The following MYO1E variants were observed in gnomAD, a reference collection of about 807,000 sequenced individuals.
The protein encoded by MYO1E is myosin IE, also known as unconventional myosin-Ie.
MYO1E carries 68 observed loss-of-function variants against 151.1 expected under a neutral mutation model. The ratio of observed to expected loss-of-function variants is 0.45; its 90% CI spans 0.37 to 0.55. The LOEUF is 0.55. MYO1E is among the 20% of genes least tolerant of loss of function. The probability of loss-of-function intolerance (pLI) is 0.00; values close to 1 mark genes in which losing one functional copy is unlikely to be tolerated. For synonymous variants in MYO1E, 601 were observed against 501.7 expected (o/e 1.20, Z -2.64); for missense variants, 1,363 against 1,389.3 (o/e 0.98, Z 0.30).
intron 1 of MYO1E, among the ~76,000 whole-genome samples, chr15:59,320,517 C>G (rs963274290): frequency 6.6e-6 from 1 of 151,896 alleles, no homozygotes; most frequent in Admixed American, 6.6e-5. Context: ...AACAGAGAAC[C>G]CAGAAATAAA....
At chr15:59,352,468 T>A (rs1299730908) in intron 1 of MYO1E, among the ~76,000 whole-genome samples, 1 of 152,176 alleles carries the variant, frequency 6.6e-6, no homozygotes, top group Non-Finnish European at 1.5e-5. Flanking sequence ...GCCCACGCTA[T>A]TAGTCCGTGG....
At position 59,206,875 on chromosome 15, in the gene MYO1E, G is replaced by A. The variant is rs1451068407; in HGVS notation, c.1531-1390C>T. On this transcript the variant is annotated intron_variant, in intron 14 of 27. Transcript: ENST00000288235. Reference sequence around the variant, plus strand: ...TGAAGGTCCTGCCAACGGCTCTCTTGGCGTCTCAACGTTCGGATCAGCAGC... The same window carrying A: ...TGAAGGTCCTGCCAACGGCTCTCTTAGCGTCTCAACGTTCGGATCAGCAGC... 8.6e-6 allele frequency: 13 copies of A among 1,505,322 alleles called. No homozygotes were observed. In the African/African-American group the frequency reaches 1.8e-4, roughly 21 times the overall value. The allele number at this position is 1,505,322 out of a possible 1,614,324, so 93.2% of individuals were successfully genotyped here. A position where few individuals can be genotyped will look rare whatever the true frequency, so the allele number is the denominator to read the frequency against.
Position 59,188,114 on chromosome 15 carries a change from T to C in MYO1E, c.1904+4A>G, listed in dbSNP as rs1423829781. 6.2e-7 allele frequency: 1 copy of C among 1,605,542 alleles called. No individual in the cohort carries two copies. The highest frequency in any genetic ancestry group is 8.5e-7 in the Non-Finnish European group (1 of 1,172,398). On this transcript the variant is annotated splice_donor_region_variant and intron_variant, in intron 18 of 27. Coordinates refer to ENST00000288235, the MANE Select transcript of MYO1E (RefSeq NM_004998.4). Reference sequence around the variant, plus strand: ...AAAAAAGGCCAGAGTCACTAGTTCATTACCTCTGTAGGAATTTTTGGAAGA... The same window carrying C: ...AAAAAAGGCCAGAGTCACTAGTTCACTACCTCTGTAGGAATTTTTGGAAGA...
At chr15:59,247,570 C>T (rs1227388329) in intron 4 of MYO1E, among the ~76,000 whole-genome samples, 3 of 152,144 alleles carry the variant, frequency 2.0e-5, no homozygotes, top group Admixed American at 1.3e-4. Context: ...CAGCAGAGGG[C>T]AGGCACTCAG....
rs546333709 is a variant in MYO1E at position 59,333,495 on chromosome 15, G to A, written c.3+39003C>T. ...TGGGCTCAAGCGATCCTCCTGTCTC[G>A]GCCTCCCAAACTGCTAGGCTATAGG... On this transcript the variant is annotated intron_variant, in intron 1 of 27. Coordinates refer to ENST00000288235, the MANE Select transcript of MYO1E (RefSeq NM_004998.4). Among the ~76,000 whole-genome samples, 5 of 152,178 alleles carry A rather than the reference G, an allele frequency of 3.3e-5. No individual in the cohort carries two copies. The East Asian group carries it at 7.7e-4, about 23-fold the overall frequency.
chr15:59,234,258 ATGGG>A (rs2140356519), intron 5 of MYO1E, among the ~76,000 whole-genome samples: 1 of 151,792 alleles, frequency 6.6e-6, no homozygotes, highest in East Asian at 1.9e-4. Flanking sequence ...GCATGGATGG[ATGGG>A]TGCATGGATG....
At chr15:59,353,464 G>C (rs1430939208) in intron 1 of MYO1E, among the ~76,000 whole-genome samples, 1 of 151,550 alleles carries the variant, frequency 6.6e-6, no homozygotes, top group Non-Finnish European at 1.5e-5. Context: ...TTTGTCAAAG[G>C]TGAAGAAACA....
chr15:59,174,692 G>A (rs907152432), intron 19 of MYO1E, among the ~76,000 whole-genome samples: 76 of 152,250 alleles, frequency 5.0e-4, no homozygotes, highest in African/African-American at 1.7e-3. Flanking sequence ...CAGGAGCTGG[G>A]CTTGTGCTGC....
chr15:59,217,968 T>G lies in MYO1E; in HGVS notation c.1030A>C (p.Asn344His). 6.2e-7 allele frequency: 1 copy of G among 1,614,220 alleles called. No individual in the cohort carries two copies. The highest frequency in any genetic ancestry group is 8.5e-7 in the Non-Finnish European group (1 of 1,180,032). The change falls in exon 10 of 28, where the codon AAC becomes CAC. Residue 344 changes from asparagine (N) to histidine (H), a missense_variant. Coordinates refer to ENST00000288235, the MANE Select transcript of MYO1E (RefSeq NM_004998.4). ...CGGGTGTAACAGGCCTGCTCTACGT[T>G]GAGGGTCACGTGGATGGATTCGGAT... is the stretch of plus-strand genomic sequence containing the variant. ...GKSESIHVTLNVEQACYTRDA... is the reference protein window; with the variant it reads ...GKSESIHVTLHVEQACYTRDA...
chr15:59,190,010 C>T, intron 17 of MYO1E, among the ~76,000 whole-genome samples: 1 of 152,192 alleles, frequency 6.6e-6, no homozygotes, highest in South Asian at 2.1e-4. Context: ...TTTTAGTACA[C>T]CTGCTGGGTC....
At chr15:59,138,404 A>G (rs369565160) in intron 26 of MYO1E, 37 bp from the exon 27 acceptor site, 6 of 1,610,960 alleles carry the variant, frequency 3.7e-6, no homozygotes, top group Non-Finnish European at 5.1e-6. Context: ...CTGGGCCCCA[A>G]CAGGGGGCAG....
chr15:59,311,823 GTTTGT>G (rs1263739518), intron 1 of MYO1E, among the ~76,000 whole-genome samples: 3 of 152,128 alleles, frequency 2.0e-5, no homozygotes, highest in African/African-American at 7.2e-5. Flanking sequence ...GTGGGAGTGG[GTTTGT>G]TTTAAAAGTG....
chr15:59,295,794 G>A (rs1029183315), intron 1 of MYO1E, among the ~76,000 whole-genome samples: 9 of 152,120 alleles, frequency 5.9e-5, no homozygotes, highest in African/African-American at 1.9e-4. Flanking sequence ...TGGAAGAGAC[G>A]GGGAAGGACT....
intron 23 of MYO1E, among the ~76,000 whole-genome samples, chr15:59,161,993 A>G (rs1019762171): frequency 5.3e-5 from 8 of 152,186 alleles, no homozygotes; most frequent in African/African-American, 1.9e-4. Context: ...GATGGAGGAT[A>G]TTCCCATTTT....
chr15:59,237,377 G>A (rs1402905198), intron 4 of MYO1E, among the ~76,000 whole-genome samples: 1 of 152,136 alleles, frequency 6.6e-6, no homozygotes, highest in Non-Finnish European at 1.5e-5. Flanking sequence ...GCCACCTTCC[G>A]CTGGGTAGCC....
At chr15:59,253,939 AG>A in intron 4 of MYO1E, among the ~76,000 whole-genome samples, 1 of 146,344 alleles carries the variant, frequency 6.8e-6, no homozygotes, top group East Asian at 1.9e-4. Flanking sequence ...GAAAACAAAA[AG>A]GGGAAGGGAA....
At chr15:59,359,337 T>A (rs1476891529) in intron 1 of MYO1E, among the ~76,000 whole-genome samples, 13 of 147,484 alleles carry the variant, frequency 8.8e-5, no homozygotes, top group Admixed American at 4.1e-4. Context: ...TTTTTTTTTT[T>A]AATTAGCTAG....
chr15:59,144,866 G>A (rs776560903), intron 26 of MYO1E, among the ~76,000 whole-genome samples: 1 of 151,832 alleles, frequency 6.6e-6, no homozygotes, highest in East Asian at 1.9e-4. Context: ...GTTTTGAGAC[G>A]GAGTTTCACT....
rs2140297000 is a variant in MYO1E at position 59,136,153 on chromosome 15, CT to C, written c.*1226del. 1 of 152,650 alleles carries C rather than the reference CT, an allele frequency of 6.6e-6. No individual in the cohort carries two copies. The highest frequency in any genetic ancestry group is 1.5e-5 in the Non-Finnish European group (1 of 68,306). The allele number at this position is 152,650 out of a possible 1,614,324, so 9.5% of individuals were successfully genotyped here. On this transcript the variant is annotated 3_prime_UTR_variant, in exon 28 of 28. Coordinates refer to ENST00000288235, the MANE Select transcript of MYO1E (RefSeq NM_004998.4). ...GGTCTTTCCTCTGGCATGTTGGTCTCTGTGTCCAAATTTCCCCTTTTCATCA... is the reference window on the plus strand; with the variant it reads ...GGTCTTTCCTCTGGCATGTTGGTCTCGTGTCCAAATTTCCCCTTTTCATCA...
Sources: allele counts gnomAD v4.1 joint callset (sites outside exome capture counted in the v4.1 genomes callset), GRCh38; gene constraint gnomAD v4.1.1; transcripts MANE v1.5; gene names NCBI Gene and HGNC (gene_info 2026-07-23, HGNC 2026-07-21).